Variants in ATP8A1 observed in about 807,000 individuals in gnomAD.
ATP8A1 encodes the protein ATPase phospholipid transporting 8A1.
ATP8A1 carries 90 observed loss-of-function variants against 177.7 expected under a neutral mutation model. The observed-to-expected ratio is 0.51, with a 90% CI of 0.43 to 0.60. ATP8A1 has a LOEUF of 0.60. Ranked by LOEUF, ATP8A1 falls within the 20% of genes least tolerant of loss-of-function variation. The pLI is 0.00. For synonymous variants in ATP8A1, 493 were observed against 485.9 expected (o/e 1.01, Z -0.19); for missense variants, 1,072 against 1,392.8 (o/e 0.77, Z 3.67).
At position 42,412,226 on chromosome 4, in the gene ATP8A1, G is replaced by A. The variant is rs895683648; in HGVS notation, c.*690C>T. On this transcript the variant is annotated 3_prime_UTR_variant, in exon 37 of 37. Transcript: ENST00000381668. ...GTAAGGCCAAAGGTGCAACATCACC[G>A]ATTTTAGTAGCAAATGCCTTGAAAT... The A allele has an allele frequency of 3.3e-5, 5 of 152,278 alleles. No individual in the cohort carries two copies. Among genetic ancestry groups the A allele is most frequent in the South Asian group, 2.1e-4 (1 of 4,822 alleles). 9.4% of individuals were successfully genotyped at this position (152,278 alleles called of 1,614,324 possible).
At chr4:42,531,028 T>C (rs955240624) in intron 20 of ATP8A1, among the ~76,000 whole-genome samples, 1 of 151,932 alleles carries the variant, frequency 6.6e-6, no homozygotes, top group Admixed American at 6.6e-5. Context: ...CTGGACACTT[T>C]GGGCTCCTCC....
intron 5 of ATP8A1, among the ~76,000 whole-genome samples, chr4:42,615,041 C>A (rs1310698120): frequency 2.0e-5 from 3 of 152,154 alleles, no homozygotes; most frequent in African/African-American, 7.2e-5. Context: ...CAGATCATCT[C>A]TTTGTACTTT....
chr4:42,636,771 G>A (rs942929477), intron 1 of ATP8A1, among the ~76,000 whole-genome samples: 22 of 152,128 alleles, frequency 1.4e-4, no homozygotes, highest in East Asian at 3.9e-4. Flanking sequence ...AGTCTTAGGG[G>A]ACTGCTCCAT....
At chr4:42,413,177 A>G (rs2153165136) in intron 36 of ATP8A1, among the ~76,000 whole-genome samples, 164 bp from the exon 37 acceptor site, 2 of 152,288 alleles carry the variant, frequency 1.3e-5, no homozygotes, top group East Asian at 3.9e-4. Context: ...TACAGACTTA[A>G]CTTCAAAATA....
chr4:42,465,048 C>T lies in ATP8A1; in HGVS notation c.2353G>A (p.Val785Ile), dbSNP rs746034954. 3 of 1,613,578 alleles carry T rather than the reference C, an allele frequency of 1.9e-6. No individual in the cohort carries two copies. The highest frequency in any genetic ancestry group is 3.3e-5 in the Admixed American group (2 of 59,952). Residue 785 changes from valine to isoleucine, a missense_variant, in exon 26 of 37, where the codon GTT (valine) becomes ATT (isoleucine). Coordinates refer to ENST00000381668, the MANE Select transcript of ATP8A1 (RefSeq NM_006095.2). The part of the protein sequence containing the change: ...RVSPLQKSEV[V>I]EMVKKQVKVV... ...TTGACTTGTTTCTTAACCATCTCAA[C>T]AACTTCAGATTTTTGAAGAGGAGAA...
At chr4:42,628,129 ACCCAATGTTTG>A (rs1738311217) in intron 1 of ATP8A1, among the ~76,000 whole-genome samples, 1 of 152,164 alleles carries the variant, frequency 6.6e-6, no homozygotes, top group African/African-American at 2.4e-5. Context: ...AACAGCAGGT[ACCCAATGTTTG>A]CCGAATACAT....
chr4:42,506,106 A>G (rs1240480722), intron 23 of ATP8A1, among the ~76,000 whole-genome samples: 1 of 152,160 alleles, frequency 6.6e-6, no homozygotes, highest in Non-Finnish European at 1.5e-5. Context: ...TAAGGAGGTA[A>G]TTAGGTTTCA....
In ATP8A1 at chr4:42,551,181, A is replaced by G. The variant is rs764593033; in HGVS notation, c.1602+17T>C. 1.0e-5 allele frequency: 16 copies of G among 1,599,520 alleles called. No homozygotes were observed. Among genetic ancestry groups the G allele is most frequent in the Non-Finnish European group, 1.2e-5 (14 of 1,166,966 alleles). On this transcript the variant is annotated intron_variant, in intron 18 of 36. Coordinates refer to ENST00000381668, the MANE Select transcript of ATP8A1 (RefSeq NM_006095.2). ...TATTACTTGGATTAAAAAGAACCTT[A>G]AAAACAACTAACTTACTGAATCTAT... is the stretch of plus-strand genomic sequence containing the variant.
chr4:42,629,100 C>T (rs1738442188), intron 1 of ATP8A1, among the ~76,000 whole-genome samples: 1 of 152,158 alleles, frequency 6.6e-6, no homozygotes, highest in Admixed American at 6.5e-5. Flanking sequence ...AACTTGTATT[C>T]AAGAATTTCT....
intron 6 of ATP8A1, chr4:42,594,332 C>T: frequency 6.2e-7 from 1 of 1,602,238 alleles, no homozygotes; most frequent in Non-Finnish European, 8.5e-7. Flanking sequence ...TACTCTTTGC[C>T]TTTTATTATA....
intron 8 of ATP8A1, among the ~76,000 whole-genome samples, chr4:42,587,887 C>T (rs989037362): frequency 8.6e-5 from 13 of 152,022 alleles, no homozygotes; most frequent in African/African-American, 2.7e-4. Context: ...GGATTACAGG[C>T]GTGAGCCACC....
intron 35 of ATP8A1, among the ~76,000 whole-genome samples, chr4:42,420,952 T>C (rs1179270238): frequency 1.3e-5 from 2 of 152,004 alleles, no homozygotes; most frequent in East Asian, 1.9e-4. Flanking sequence ...GTATTGTTAG[T>C]AGAGACGGGT....
chr4:42,594,439 T>C (rs974076188), intron 6 of ATP8A1: 13 of 802,762 alleles, frequency 1.6e-5, no homozygotes, highest in African/African-American at 5.7e-5. Context: ...GTAAAAAGCA[T>C]AGAATACACA....
At chr4:42,504,646 G>A (rs1160264596) in intron 23 of ATP8A1, among the ~76,000 whole-genome samples, 1 of 152,192 alleles carries the variant, frequency 6.6e-6, no homozygotes, top group Non-Finnish European at 1.5e-5. Context: ...CTGGATTAAT[G>A]CAATAAGCCT....
intron 24 of ATP8A1, among the ~76,000 whole-genome samples, chr4:42,498,974 A>T (rs1578055572): frequency 6.6e-6 from 1 of 152,226 alleles, no homozygotes; most frequent in Non-Finnish European, 1.5e-5. Context: ...ATCTACTTAT[A>T]ACATATAAAT....
chr4:42,481,203 A>C (rs1006140602), intron 25 of ATP8A1, among the ~76,000 whole-genome samples: 1 of 152,214 alleles, frequency 6.6e-6, no homozygotes, highest in African/African-American at 2.4e-5. Context: ...AGCAGTAGAA[A>C]GACTGTTCCC....
chr4:42,604,756 C>G (rs1008733113), intron 5 of ATP8A1, among the ~76,000 whole-genome samples: 48 of 152,084 alleles, frequency 3.2e-4, no homozygotes, highest in African/African-American at 1.2e-3. Context: ...TCATAATAGC[C>G]AAAGGGTAGA....
At chr4:42,423,562 T>A (rs1173198385) in intron 34 of ATP8A1, 55 bp downstream of exon 34, 9 of 1,253,142 alleles carry the variant, frequency 7.2e-6, no homozygotes, top group African/African-American at 3.0e-5. Flanking sequence ...AAGAGAGAAA[T>A]CTGAGGATGA....
intron 22 of ATP8A1, among the ~76,000 whole-genome samples, chr4:42,520,461 G>A (rs79712829): frequency 0.01 from 1,525 of 152,100 alleles, 24 homozygotes; most frequent in African/African-American, 0.035. Flanking sequence ...AAAAGAGATT[G>A]TGATTATGGC....
Sources: gnomAD v4.1 joint callset for allele counts (sites outside exome capture counted in the v4.1 genomes callset) on GRCh38, gnomAD v4.1.1 for gene constraint, MANE v1.5 for transcripts, NCBI Gene and HGNC (gene_info 2026-07-23, HGNC 2026-07-21) for gene names.